Variants in EXOC6 observed in about 807,000 individuals in gnomAD.
EXOC6 encodes the protein SEC15-like 1.
In EXOC6, 60 loss-of-function variants were observed where a neutral mutation model predicts 112.5. The observed-to-expected ratio is 0.53, with a 90% CI of 0.43 to 0.66. The LOEUF is 0.66. EXOC6 is among the 30% of genes least tolerant of loss of function. The pLI is 0.00. For missense variants in EXOC6, 855 were observed against 957.1 expected (o/e 0.89, Z 1.41); for synonymous variants, 295 against 308.0 (o/e 0.96, Z 0.44).
chr10:92,980,707 A>G (rs181577472), intron 18 of EXOC6, among the ~76,000 whole-genome samples: 9 of 152,358 alleles, frequency 5.9e-5, no homozygotes, highest in Admixed American at 4.6e-4. Context: ...TCTGATTAAT[A>G]TGTAATTTTA....
rs1285707805 is a variant in EXOC6, at chr10:92,955,565, T to G, written c.1639-15T>G. ...TGTAACCTGTATTTTACTAGATATA[T>G]CTTGTGTTTTCTAGCTGGTACAAAT... is the stretch of plus-strand genomic sequence containing the variant. On this transcript the variant is annotated splice_polypyrimidine_tract_variant and intron_variant, in intron 16 of 21. Transcript: ENST00000260762. 15 of 1,602,838 alleles carry G rather than the reference T, an allele frequency of 9.4e-6. No individual in the cohort carries two copies. The highest frequency in any genetic ancestry group is 1.3e-5 in the Non-Finnish European group (15 of 1,173,494).
chr10:92,893,511 A>G lies in EXOC6; in HGVS notation c.264A>G (p.Glu88=). ...TCCTTAAAGTAAGGACTGATGCAGA[A>G]AAACTGAAGGTAAGAAATATGTTAA... The part of the protein sequence containing the change: ...TELLKVRTDA[E]KLKVQVTDTN... Residue 88 remains glutamate, a synonymous_variant, in exon 2 of 22, where the codon GAA becomes GAG. Transcript: ENST00000260762. The G allele has an allele frequency of 6.3e-7, 1 of 1,595,602 alleles. No individual in the cohort carries two copies. Among genetic ancestry groups the G allele is most frequent in the Non-Finnish European group, 8.5e-7 (1 of 1,172,872 alleles).
At chr10:92,911,901 TTCTCTCTCTCTCTCTC>T (rs113097452) in intron 6 of EXOC6, among the ~76,000 whole-genome samples, 4 of 139,924 alleles carry the variant, frequency 2.9e-5, no homozygotes, top group African/African-American at 8.2e-5. Flanking sequence ...TCTTGTGGGT[TTCTCTCTCTCTCTCTC>T]TCTCTCTCTC....
chr10:92,998,071 CT>C (rs1459825598), intron 19 of EXOC6, among the ~76,000 whole-genome samples: 1 of 152,106 alleles, frequency 6.6e-6, no homozygotes, highest in African/African-American at 2.4e-5. Context: ...TTTCACAAGG[CT>C]TTAGTATTGC....
chr10:93,019,941 G>A (rs1244417472), intron 20 of EXOC6, among the ~76,000 whole-genome samples: 1 of 152,110 alleles, frequency 6.6e-6, no homozygotes, highest in East Asian at 1.9e-4. Context: ...TTTTTAAAAA[G>A]TCCATATGGT....
chr10:92,845,908 AGCCTG>A (rs1847036325), upstream of EXOC6, among the ~76,000 whole-genome samples: 1 of 152,234 alleles, frequency 6.6e-6, no homozygotes, highest in African/African-American at 2.4e-5. Context: ...ATTGTTACCC[AGCCTG>A]GGTAACAAAA....
At chr10:92,906,649 A>G (rs2133861946) in intron 5 of EXOC6, among the ~76,000 whole-genome samples, 1 of 152,310 alleles carries the variant, frequency 6.6e-6, no homozygotes, top group South Asian at 2.1e-4. Context: ...TAAGGACATC[A>G]TTACCTTATA....
chr10:92,910,661 T>C (rs1850695649), intron 6 of EXOC6, among the ~76,000 whole-genome samples: 1 of 151,988 alleles, frequency 6.6e-6, no homozygotes. Flanking sequence ...CCGGGCGGGG[T>C]GGCTCACACC....
intron 1 of EXOC6, among the ~76,000 whole-genome samples, chr10:92,871,646 A>C (rs1366142435): frequency 6.6e-6 from 1 of 152,024 alleles, no homozygotes; most frequent in African/African-American, 2.4e-5. Context: ...GTCTCTACTA[A>C]AAATACAAAA....
chr10:92,949,193 T>C (rs1365410170), intron 14 of EXOC6, among the ~76,000 whole-genome samples: 1 of 152,212 alleles, frequency 6.6e-6, no homozygotes, highest in Non-Finnish European at 1.5e-5. Context: ...AGTACCTTTC[T>C]ACATTTTTAT....
intron 20 of EXOC6, among the ~76,000 whole-genome samples, chr10:93,035,538 C>T (rs533486694): frequency 6.6e-6 from 1 of 152,272 alleles, no homozygotes; most frequent in African/African-American, 2.4e-5. Flanking sequence ...TAACGTTTTA[C>T]ATAGCTATAG....
At chr10:92,937,230 A>G (rs762328203) in intron 12 of EXOC6, among the ~76,000 whole-genome samples, 1 of 152,144 alleles carries the variant, frequency 6.6e-6, no homozygotes, top group Admixed American at 6.5e-5. Flanking sequence ...CCAAAGTGTG[A>G]TAAGAGCTGT....
At chr10:92,834,594 G>C, upstream of EXOC6, 1 of 596,384 alleles carries the variant, frequency 1.7e-6, no homozygotes. Context: ...GTCAGACAGT[G>C]AGCTTGTTTT....
At chr10:92,843,279 G>A (rs1456116076) in intron 1 of EXOC6, among the ~76,000 whole-genome samples, 2 of 152,040 alleles carry the variant, frequency 1.3e-5, no homozygotes, top group African/African-American at 2.4e-5. Flanking sequence ...GGCCACTTGG[G>A]GTCACCACAC....
upstream of EXOC6, among the ~76,000 whole-genome samples, chr10:92,831,033 T>G (rs1846465797): frequency 6.6e-6 from 1 of 152,254 alleles, no homozygotes; most frequent in Admixed American, 6.5e-5. Context: ...GTTCATTTAA[T>G]CTGTGCGAAC....
At chr10:93,044,773 G>A (rs1750741) in intron 20 of EXOC6, among the ~76,000 whole-genome samples, 1 of 152,044 alleles carries the variant, frequency 6.6e-6, no homozygotes, top group Non-Finnish European at 1.5e-5. Context: ...TAATGAGCTT[G>A]GTTTCTTTCG....
At chr10:92,915,600 T>C (rs1161581083) in intron 6 of EXOC6, among the ~76,000 whole-genome samples, 158 bp from the exon 7 acceptor site, 1 of 125,990 alleles carries the variant, frequency 7.9e-6, no homozygotes, top group African/African-American at 3.0e-5. Context: ...AAAAAGGAAA[T>C]GAGAAGGCAA....
rs1844193413 is a variant in EXOC6 at position 93,010,627 on chromosome 10, A to G, written c.2096-3567A>G. On this transcript the variant is annotated intron_variant, in intron 19 of 21. Transcript: ENST00000260762. ...GGCATGAGAAACGCTTGAACCTGGG[A>G]GAAGGAGGTTGTAGTGAGCCAAGAT... Among the ~76,000 whole-genome samples, 4 of 150,552 alleles carry G rather than the reference A, an allele frequency of 2.7e-5. No homozygotes were observed. In the South Asian group the frequency reaches 8.7e-4, roughly 33 times the overall value.
intron 1 of EXOC6, 71 bp downstream of exon 1, chr10:92,848,705 G>T: frequency 1.7e-6 from 2 of 1,169,840 alleles, no homozygotes; most frequent in Non-Finnish European, 2.2e-6. Flanking sequence ...GCCGGGCGGG[G>T]CGTCCGCCGC....
Sources: allele counts gnomAD v4.1 joint callset (sites outside exome capture counted in the v4.1 genomes callset), GRCh38; gene constraint gnomAD v4.1.1; transcripts MANE v1.5; gene names NCBI Gene and HGNC (gene_info 2026-07-23, HGNC 2026-07-21).